The following CNTNAP2 variants were observed in gnomAD, a reference collection of about 807,000 sequenced individuals.
CNTNAP2 encodes the protein contactin-associated protein-like 2.
Under a neutral mutation model 155.2 loss-of-function variants are expected in CNTNAP2, and 98 were observed. The ratio of observed to expected loss-of-function variants is 0.63; its 90% CI spans 0.54 to 0.75. CNTNAP2 has a LOEUF of 0.75. Among genes scored for constraint, CNTNAP2 ranks in the 30% least tolerant of loss-of-function variants. The pLI is 0.00. For missense variants in CNTNAP2, 1,727 were observed against 1,688.1 expected, an observed-to-expected ratio of 1.02 and a Z score of -0.40; for synonymous variants, 651 against 631.2, an observed-to-expected ratio of 1.03 and a Z score of -0.47.
chr7:147,096,870 A>G (rs992206929), intron 4 of CNTNAP2, among the ~76,000 whole-genome samples: 1 of 152,218 alleles, frequency 6.6e-6, no homozygotes, highest in East Asian at 1.9e-4. Context: ...AGCAGACCAC[A>G]GAGTACTGTT....
intron 8 of CNTNAP2, among the ~76,000 whole-genome samples, chr7:147,274,201 G>A (rs982142919): frequency 2.0e-5 from 3 of 151,970 alleles, no homozygotes; most frequent in African/African-American, 7.3e-5. Flanking sequence ...GGATCGAATG[G>A]TAGTTTTACA....
chr7:147,352,506 C>T (rs887509452), intron 9 of CNTNAP2, among the ~76,000 whole-genome samples: 2 of 151,902 alleles, frequency 1.3e-5, no homozygotes, highest in African/African-American at 4.8e-5. Context: ...AAGGTTTTTG[C>T]TTTAAAACAT....
chr7:147,389,976 A>T (rs1796682342), intron 9 of CNTNAP2, among the ~76,000 whole-genome samples: 1 of 152,182 alleles, frequency 6.6e-6, no homozygotes, highest in Non-Finnish European at 1.5e-5. Context: ...ATTACCAAAA[A>T]ATCCCACTGT....
Position 148,033,383 on chromosome 7 carries a change from A to G in CNTNAP2, c.2383+55394A>G, listed in dbSNP as rs935671179. Among the ~76,000 whole-genome samples, 9 of 149,008 alleles carry G rather than the reference A, an allele frequency of 6.0e-5. No individual in the cohort carries two copies. The South Asian group carries it at 1.3e-3, about 21-fold the overall frequency. On this transcript the variant is annotated intron_variant, in intron 15 of 23. Transcript: ENST00000361727. ...CTTCTAAAAAAAAAAAATGGGATACATGTTCAGAACGTGCAGGTTTGTTAC... is the reference window on the plus strand; with the variant it reads ...CTTCTAAAAAAAAAAAATGGGATACGTGTTCAGAACGTGCAGGTTTGTTAC...
chr7:147,984,989 C>T (rs1024969961), intron 15 of CNTNAP2, among the ~76,000 whole-genome samples: 2 of 151,966 alleles, frequency 1.3e-5, no homozygotes, highest in African/African-American at 4.8e-5. Context: ...TTGGTGCGCA[C>T]CTGTAATCCC....
chr7:147,004,234 GA>G (rs1798483163), intron 3 of CNTNAP2, among the ~76,000 whole-genome samples: 2 of 120,706 alleles, frequency 1.7e-5, no homozygotes, highest in Non-Finnish European at 3.5e-5. Flanking sequence ...AAAAGAAAAA[GA>G]AAAACGGTAA....
intron 8 of CNTNAP2, among the ~76,000 whole-genome samples, chr7:147,172,824 C>T (rs1802259884): frequency 6.6e-6 from 1 of 152,182 alleles, no homozygotes; most frequent in Admixed American, 6.5e-5. Flanking sequence ...GCAGGAGCTA[C>T]TCCCACTCCT....
At chr7:146,691,044 T>C (rs17170213) in intron 1 of CNTNAP2, among the ~76,000 whole-genome samples, 3,994 of 152,276 alleles carry the variant, frequency 0.026, 47 homozygotes, top group Middle Eastern at 0.041. Context: ...TCTTGGAATC[T>C]TCTCCAAATT....
At chr7:146,713,314 A>C (rs1010892959) in intron 1 of CNTNAP2, among the ~76,000 whole-genome samples, 1 of 152,136 alleles carries the variant, frequency 6.6e-6, no homozygotes, top group Non-Finnish European at 1.5e-5. Context: ...TGACAGCTGC[A>C]GTTATTAATT....
rs1424351395 is a variant in CNTNAP2 at position 146,761,324 on chromosome 7, AGG to A, written c.98-12946_98-12945del. Among the ~76,000 whole-genome samples, 30 of 151,602 alleles carry A rather than the reference AGG, an allele frequency of 2.0e-4. 1 individual carries two copies. Among genetic ancestry groups the A allele is most frequent in the South Asian group, 6.2e-4 (3 of 4,816 alleles). On this transcript the variant is annotated intron_variant, in intron 1 of 23. Transcript: ENST00000361727. ...AAGGAAGGAAGGAAGGAAGGAAGGAAGGAAGGAAGGAAAATAGGAAAGTGTGT... is the reference window on the plus strand; with the variant it reads ...AAGGAAGGAAGGAAGGAAGGAAGGAAAAGGAAGGAAAATAGGAAAGTGTGT...
At chr7:148,332,070 G>C (rs73154526) in intron 21 of CNTNAP2, among the ~76,000 whole-genome samples, 38 of 151,246 alleles carry the variant, frequency 2.5e-4, no homozygotes, top group Admixed American at 2.5e-3. Flanking sequence ...AGAAATTGCT[G>C]TCATCGTTTT....
At chr7:146,442,396 G>A (rs1796332311) in intron 1 of CNTNAP2, among the ~76,000 whole-genome samples, 2 of 147,124 alleles carry the variant, frequency 1.4e-5, no homozygotes, top group Non-Finnish European at 2.9e-5. Context: ...AGGTACAAAT[G>A]CAATAGAGGA....
intron 21 of CNTNAP2, among the ~76,000 whole-genome samples, chr7:148,302,386 A>G (rs1395259193): frequency 6.6e-6 from 1 of 152,154 alleles, no homozygotes; most frequent in Non-Finnish European, 1.5e-5. Context: ...CTAGAACCAC[A>G]TGAATATTAA....
chr7:147,775,239 ATATTTATATATATATTTAT>A (rs1797543758), intron 13 of CNTNAP2, among the ~76,000 whole-genome samples: 1 of 120,174 alleles, frequency 8.3e-6, no homozygotes, highest in Non-Finnish European at 1.6e-5. Flanking sequence ...ATATATATAT[ATATTTATATATATATTTAT>A]AAATATATTT....
chr7:147,160,582 A>C (rs1473519823), intron 8 of CNTNAP2, among the ~76,000 whole-genome samples: 1 of 152,170 alleles, frequency 6.6e-6, no homozygotes, highest in Non-Finnish European at 1.5e-5. Context: ...ATTATAGGAA[A>C]TTTAGATATT....
At chr7:146,674,792 A>G (rs1800369054) in intron 1 of CNTNAP2, among the ~76,000 whole-genome samples, 1 of 152,190 alleles carries the variant, frequency 6.6e-6, no homozygotes, top group Admixed American at 6.5e-5. Flanking sequence ...TGGGAAAATG[A>G]CTAGGAAATG....
chr7:147,313,280 A>G (rs578160633), intron 9 of CNTNAP2, among the ~76,000 whole-genome samples: 10 of 151,722 alleles, frequency 6.6e-5, no homozygotes, highest in East Asian at 2.0e-4. Context: ...GATCCCATTT[A>G]TCAATTTTGG....
chr7:147,052,500 G>A (rs144506281), intron 4 of CNTNAP2, among the ~76,000 whole-genome samples: 4 of 152,162 alleles, frequency 2.6e-5, no homozygotes, highest in African/African-American at 9.6e-5. Context: ...ATATTGAACA[G>A]TGCTCTAAGG....
chr7:146,478,252 G>A (rs572053308), intron 1 of CNTNAP2, among the ~76,000 whole-genome samples: 1 of 152,120 alleles, frequency 6.6e-6, no homozygotes, highest in East Asian at 1.9e-4. Context: ...AATGAATGCA[G>A]AAAGAGGGAT....
Sources: gnomAD v4.1 joint callset for allele counts (sites outside exome capture counted in the v4.1 genomes callset) on GRCh38, gnomAD v4.1.1 for gene constraint, MANE v1.5 for transcripts, NCBI Gene and HGNC (gene_info 2026-07-23, HGNC 2026-07-21) for gene names.